Variants in GRIP1 observed in about 807,000 individuals in gnomAD.
The protein encoded by GRIP1 is glutamate receptor-interacting protein 1.
A neutral mutation model predicts 129.9 loss-of-function variants in GRIP1; 45 were observed. That is an observed-to-expected ratio of 0.35 (90% CI 0.27 to 0.44). GRIP1 has a LOEUF of 0.44. Ranked by LOEUF, GRIP1 falls within the 20% of genes least tolerant of loss-of-function variation. The pLI is 1.00. For synonymous variants in GRIP1, 530 were observed against 520.8 expected, an observed-to-expected ratio of 1.02 and a Z score of -0.24; for missense variants, 1,196 against 1,396.8, an observed-to-expected ratio of 0.86 and a Z score of 2.29.
chr12:66,481,619 A>G (rs528264879), intron 7 of GRIP1, among the ~76,000 whole-genome samples: 1 of 152,332 alleles, frequency 6.6e-6, no homozygotes, highest in South Asian at 2.1e-4. Context: ...AAGGATTATA[A>G]ATCATTCTAC....
intron 1 of GRIP1, among the ~76,000 whole-genome samples, chr12:66,794,842 G>C (rs1032701458): frequency 3.9e-5 from 6 of 152,138 alleles, no homozygotes; most frequent in Non-Finnish European, 5.9e-5. Context: ...AGAGGTGTTT[G>C]TTCCTATAAA....
intron 1 of GRIP1, among the ~76,000 whole-genome samples, chr12:66,790,725 G>A (rs1293221847): frequency 1.3e-5 from 2 of 152,052 alleles, no homozygotes; most frequent in Non-Finnish European, 2.9e-5. Flanking sequence ...ATTGAGTTCA[G>A]TTTAGGAAAA....
intron 1 of GRIP1, among the ~76,000 whole-genome samples, chr12:66,865,591 CCATG>C (rs2040190396): frequency 6.7e-6 from 1 of 148,332 alleles, no homozygotes; most frequent in African/African-American, 2.5e-5. Flanking sequence ...CTCCATCCAT[CCATG>C]CATCCATCCA....
chr12:66,382,575 C>G (rs2056160829), intron 19 of GRIP1, among the ~76,000 whole-genome samples: 1 of 152,150 alleles, frequency 6.6e-6, no homozygotes, highest in African/African-American at 2.4e-5. Context: ...TTAATGAACA[C>G]AGATGCCCAT....
At chr12:66,767,715 T>C (rs2037688472) in intron 1 of GRIP1, among the ~76,000 whole-genome samples, 1 of 151,938 alleles carries the variant, frequency 6.6e-6, no homozygotes, top group African/African-American at 2.4e-5. Flanking sequence ...GACAAGCAAA[T>C]AATTTACACG....
intron 11 of GRIP1, among the ~76,000 whole-genome samples, chr12:66,446,559 T>A (rs1216377983): frequency 1.3e-5 from 2 of 152,194 alleles, no homozygotes; most frequent in Non-Finnish European, 2.9e-5. Context: ...CTACTCCTAT[T>A]TAAAATTCCA....
chr12:66,379,252 A>T, intron 20 of GRIP1, 28 bp downstream of exon 20: 1 of 1,610,056 alleles, frequency 6.2e-7, no homozygotes, highest in South Asian at 1.1e-5. Context: ...GTCATCTTGG[A>T]TGAGGCAGCA....
At chr12:67,015,845 TC>T (rs1373612843) in intron 1 of GRIP1, among the ~76,000 whole-genome samples, 1 of 152,066 alleles carries the variant, frequency 6.6e-6, no homozygotes, top group Non-Finnish European at 1.5e-5. Context: ...AGAAATATTA[TC>T]CCCACATGAG....
intron 1 of GRIP1, among the ~76,000 whole-genome samples, chr12:66,713,256 T>C (rs953935525): frequency 2.0e-5 from 3 of 152,104 alleles, no homozygotes; most frequent in East Asian, 3.9e-4. Flanking sequence ...ACTTAAGAAA[T>C]AGAGCATCTC....
chr12:66,443,938 C>A (rs1029316365), intron 13 of GRIP1, among the ~76,000 whole-genome samples: 5 of 152,068 alleles, frequency 3.3e-5, no homozygotes, highest in African/African-American at 1.2e-4. Context: ...GTGTTCTTTG[C>A]AGTGTGAAGG....
chr12:66,367,530 T>G (rs2137245154), intron 23 of GRIP1, among the ~76,000 whole-genome samples: 1 of 152,332 alleles, frequency 6.6e-6, no homozygotes, highest in South Asian at 2.1e-4. Context: ...GAAAAGGTCA[T>G]CAGGGGTTCA....
At chr12:66,808,292 GTTTTTTGT>G (rs1425909387), upstream of GRIP1, among the ~76,000 whole-genome samples, 5 of 151,952 alleles carry the variant, frequency 3.3e-5, 1 homozygote, top group South Asian at 6.2e-4. Context: ...TTTGTTCTTG[GTTTTTTGT>G]TTTTTTGTTT....
chr12:66,842,729 G>T (rs778468082), intron 1 of GRIP1, among the ~76,000 whole-genome samples: 1 of 152,140 alleles, frequency 6.6e-6, no homozygotes, highest in Non-Finnish European at 1.5e-5. Context: ...TTCCAGTGTT[G>T]AGCATATAAT....
chr12:66,824,487 A>C (rs1444298881), intron 1 of GRIP1, among the ~76,000 whole-genome samples: 1 of 152,156 alleles, frequency 6.6e-6, no homozygotes, highest in African/African-American at 2.4e-5. Context: ...GGCTTTGGCA[A>C]CGCAAATGGC....
intron 1 of GRIP1, among the ~76,000 whole-genome samples, chr12:66,800,411 A>G (rs187858609): frequency 6.6e-6 from 1 of 150,866 alleles, no homozygotes; most frequent in East Asian, 1.9e-4. Flanking sequence ...AGTGGCTCAC[A>G]TACCTCTATT....
At chr12:66,779,988 G>A (rs1043539868) in intron 1 of GRIP1, among the ~76,000 whole-genome samples, 1 of 152,180 alleles carries the variant, frequency 6.6e-6, no homozygotes, top group Non-Finnish European at 1.5e-5. Context: ...TGTGGTGAAT[G>A]TATCAGGAGG....
intron 15 of GRIP1, among the ~76,000 whole-genome samples, chr12:66,410,570 G>A (rs1253296783): frequency 1.3e-5 from 2 of 151,998 alleles, no homozygotes; most frequent in Non-Finnish European, 2.9e-5. Context: ...TTGAACCCAG[G>A]AGGCAGAGGT....
At chr12:66,762,739 A>G (rs2037514182) in intron 1 of GRIP1, among the ~76,000 whole-genome samples, 1 of 152,198 alleles carries the variant, frequency 6.6e-6, no homozygotes, top group African/African-American at 2.4e-5. Context: ...TATTTATTTA[A>G]AGGAGACAGA....
At chr12:66,633,121 TC>T (rs2030985803) in intron 1 of GRIP1, among the ~76,000 whole-genome samples, 1 of 151,592 alleles carries the variant, frequency 6.6e-6, no homozygotes, top group Non-Finnish European at 1.5e-5. Flanking sequence ...CAAGTGATCC[TC>T]CCACTTCAGC....
Sources: gnomAD v4.1 joint callset for allele counts (sites outside exome capture counted in the v4.1 genomes callset) on GRCh38, gnomAD v4.1.1 for gene constraint, MANE v1.5 for transcripts, NCBI Gene and HGNC (gene_info 2026-07-23, HGNC 2026-07-21) for gene names.